Variants in CFDP1 observed in about 807,000 individuals in gnomAD.
CFDP1 encodes heterochromatin-stabilizing protein CFDP1.
CFDP1 carries 31 observed loss-of-function variants against 40.1 expected under a neutral mutation model. The observed-to-expected ratio is 0.77, with a 90% confidence interval of 0.58 to 1.04. The LOEUF (loss-of-function observed/expected upper bound fraction) is 1.04, where lower values mean the gene tolerates loss of function less well. CFDP1 is among the 50% of genes least tolerant of loss of function. The pLI is 0.00. For missense variants in CFDP1, 423 were observed against 343.4 expected, an observed-to-expected ratio of 1.23 and a Z score of -1.83; for synonymous variants, 167 against 120.0, an observed-to-expected ratio of 1.39 and a Z score of -2.56.
At chr16:75,400,101 C>CAAAAA (rs71276627) in intron 4 of CFDP1, among the ~76,000 whole-genome samples, 5 of 59,328 alleles carry the variant, frequency 8.4e-5, no homozygotes, top group African/African-American at 2.8e-4. Flanking sequence ...AACTCCATCT[C>CAAAAA]AAAAAAAAAA....
intron 5 of CFDP1, among the ~76,000 whole-genome samples, chr16:75,325,221 A>G (rs932141973): frequency 1.3e-5 from 2 of 152,140 alleles, no homozygotes; most frequent in Non-Finnish European, 2.9e-5. Context: ...TGCACATCTT[A>G]GTTGTGGGGG....
intron 4 of CFDP1, among the ~76,000 whole-genome samples, chr16:75,402,955 C>A (rs2079067975): frequency 6.6e-6 from 1 of 151,892 alleles, no homozygotes; most frequent in Non-Finnish European, 1.5e-5. Context: ...AAGTAATAAG[C>A]ATGTATCATT....
intron 5 of CFDP1, among the ~76,000 whole-genome samples, chr16:75,332,836 C>G (rs1156959644): frequency 1.5e-5 from 2 of 129,684 alleles, no homozygotes; most frequent in Admixed American, 1.8e-4. Context: ...GAGACAGAGT[C>G]TCGTTCTGTC....
At chr16:75,355,964 A>G (rs539277899) in intron 5 of CFDP1, among the ~76,000 whole-genome samples, 73 of 152,318 alleles carry the variant, frequency 4.8e-4, no homozygotes, top group African/African-American at 1.6e-3. Flanking sequence ...CTCTCTTGAT[A>G]TTTCCATTGT....
At chr16:75,331,132 C>T (rs1011996228) in intron 5 of CFDP1, among the ~76,000 whole-genome samples, 1 of 152,162 alleles carries the variant, frequency 6.6e-6, no homozygotes, top group African/African-American at 2.4e-5. Context: ...AGTTTGTGTC[C>T]CTCTCTCCAC....
intron 1 of CFDP1, among the ~76,000 whole-genome samples, chr16:75,416,524 G>A (rs906439572): frequency 3.3e-5 from 5 of 150,912 alleles, no homozygotes; most frequent in African/African-American, 1.2e-4. Context: ...CCTTTGGGAG[G>A]CCGAGGCAGG....
At position 75,412,766 on chromosome 16, in the gene CFDP1, C is replaced by G. The variant is rs779936081; in HGVS notation, c.183-12G>C. On this transcript the variant is annotated splice_polypyrimidine_tract_variant and intron_variant, in intron 2 of 6. Transcript: ENST00000283882. ...CTTGTCTTCTCTTCCTAATCACCAG[C>G]AGTCACAGGAAAAAGGAAAGACAGC... 8 of 1,604,556 alleles carry G rather than the reference C, an allele frequency of 5.0e-6. No homozygotes were observed. The highest frequency in any genetic ancestry group is 6.0e-6 in the Non-Finnish European group (7 of 1,173,194).
chr16:75,315,794 G>C (rs528259318), intron 5 of CFDP1, among the ~76,000 whole-genome samples: 34 of 152,116 alleles, frequency 2.2e-4, no homozygotes, highest in Admixed American at 1.6e-3. Context: ...ATACACCCAA[G>C]AAATTTAACA....
chr16:75,356,455 A>C (rs1414039136), intron 5 of CFDP1, among the ~76,000 whole-genome samples: 8 of 152,228 alleles, frequency 5.3e-5, no homozygotes, highest in Non-Finnish European at 8.8e-5. Context: ...AAGTGGGGTT[A>C]AAATATTCAG....
chr16:75,309,444 G>A (rs115231582), intron 5 of CFDP1, among the ~76,000 whole-genome samples: 2,345 of 151,856 alleles, frequency 0.015, 56 homozygotes, highest in African/African-American at 0.053. Flanking sequence ...ATCAGCACTG[G>A]CTCTCCAGGC....
At chr16:75,379,056 A>G (rs2078828971) in intron 5 of CFDP1, among the ~76,000 whole-genome samples, 2 of 150,646 alleles carry the variant, frequency 1.3e-5, no homozygotes, top group Admixed American at 1.4e-4. Context: ...ATAAAATCAT[A>G]CATGTATCAA....
intron 5 of CFDP1, among the ~76,000 whole-genome samples, chr16:75,322,672 T>C (rs1261815447): frequency 6.6e-6 from 1 of 152,032 alleles, no homozygotes; most frequent in Admixed American, 6.6e-5. Context: ...ATCCAAAATA[T>C]TTTGAGCACT....
At chr16:75,366,641 AC>A (rs2078715979) in intron 5 of CFDP1, among the ~76,000 whole-genome samples, 1 of 152,042 alleles carries the variant, frequency 6.6e-6, no homozygotes. Flanking sequence ...AAACAAACAA[AC>A]AAAAAAACCG....
At chr16:75,395,274 G>A (rs2078986897) in intron 4 of CFDP1, 65 bp from the exon 5 acceptor site, 17 of 1,546,518 alleles carry the variant, frequency 1.1e-5, no homozygotes, top group Non-Finnish European at 1.4e-5. Flanking sequence ...AGCTAGAAAA[G>A]GGAATAAAGA....
At chr16:75,308,028 G>A (rs944249743) in intron 5 of CFDP1, among the ~76,000 whole-genome samples, 1 of 152,124 alleles carries the variant, frequency 6.6e-6, no homozygotes, top group Non-Finnish European at 1.5e-5. Context: ...GATGGTTCTG[G>A]GCAAGTGCAG....
intron 1 of CFDP1, among the ~76,000 whole-genome samples, chr16:75,425,410 A>AAC (rs2079328396): frequency 7.2e-6 from 1 of 138,090 alleles, no homozygotes; most frequent in South Asian, 2.3e-4. Context: ...AAAAAAAAAA[A>AAC]AACTATATGG....
At chr16:75,365,806 A>T (rs2078709642) in intron 5 of CFDP1, among the ~76,000 whole-genome samples, 1 of 152,230 alleles carries the variant, frequency 6.6e-6, no homozygotes, top group East Asian at 1.9e-4. Flanking sequence ...GATACTCAAC[A>T]TCATTAGGCA....
chr16:75,424,315 C>T (rs1039106454), intron 1 of CFDP1, among the ~76,000 whole-genome samples: 1 of 152,174 alleles, frequency 6.6e-6, no homozygotes, highest in African/African-American at 2.4e-5. Context: ...TTAGCACGTA[C>T]AGTGTTAGGT....
chr16:75,329,972 A>AT (rs1445795521), intron 5 of CFDP1, among the ~76,000 whole-genome samples: 1 of 152,124 alleles, frequency 6.6e-6, no homozygotes, highest in African/African-American at 2.4e-5. Flanking sequence ...CACCTGTTAT[A>AT]TTTTTTAGTG....
Sources: allele counts gnomAD v4.1 joint callset (sites outside exome capture counted in the v4.1 genomes callset), GRCh38; gene constraint gnomAD v4.1.1; transcripts MANE v1.5; gene names NCBI Gene and HGNC (gene_info 2026-07-23, HGNC 2026-07-21).